Variants in MMP8 observed in about 807,000 individuals in gnomAD.
The protein encoded by MMP8 is matrix metallopeptidase 8, also known as neutrophil collagenase.
MMP8 carries 67 observed loss-of-function variants against 51.2 expected under a neutral mutation model. That is an observed-to-expected ratio of 1.31 (90% CI 1.08 to 1.60). The LOEUF is 1.60. Among genes scored for constraint, MMP8 ranks in the 40% most tolerant of loss-of-function variants. The pLI, the probability that MMP8 is intolerant of heterozygous loss-of-function variation, is 0.00. For synonymous variants in MMP8, 225 were observed against 191.0 expected (o/e 1.18, Z -1.47); for missense variants, 654 against 558.1 (o/e 1.17, Z -1.73).
In MMP8 at chr11:102,712,431, T is replaced by C. The variant is rs1861151735; in HGVS notation, c.*917A>G. 1 of 152,254 alleles carries C rather than the reference T, an allele frequency of 6.6e-6. No homozygotes were observed. The highest frequency in any genetic ancestry group is 6.5e-5 in the Admixed American group (1 of 15,280). The allele number at this position is 152,254 out of a possible 1,614,324, so 9.4% of individuals were successfully genotyped here. On this transcript the variant is annotated 3_prime_UTR_variant, in exon 10 of 10. Coordinates refer to ENST00000236826, the MANE Select transcript of MMP8 (RefSeq NM_002424.3). Reference sequence around the variant, plus strand: ...TGTCTAGGGTTGCTGTAACAAAGTATTGCAAAGTTGGTGGCTTAAAACAAA... The same window carrying C: ...TGTCTAGGGTTGCTGTAACAAAGTACTGCAAAGTTGGTGGCTTAAAACAAA...
intron 4 of MMP8, among the ~76,000 whole-genome samples, chr11:102,720,414 G>A (rs762228904): frequency 6.6e-6 from 1 of 152,090 alleles, no homozygotes; most frequent in African/African-American, 2.4e-5. Flanking sequence ...GAATGGAGAG[G>A]AGCTGAGGGT....
At position 102,713,083 on chromosome 11, in the gene MMP8, A is replaced by C. The variant is rs1175875189; in HGVS notation, c.*265T>G. ...CAGATATGTAAGTATTGAAATAGTA[A>C]ATATTGAGGTGACAAAAAGGCTTAC... On this transcript the variant is annotated 3_prime_UTR_variant, in exon 10 of 10. Coordinates refer to ENST00000236826, the MANE Select transcript of MMP8 (RefSeq NM_002424.3). 1.3e-5 allele frequency: 4 copies of C among 309,850 alleles called. No homozygotes were observed. Among genetic ancestry groups the C allele is most frequent in the Non-Finnish European group, 2.4e-5 (4 of 167,710 alleles). 19.2% of individuals were successfully genotyped at this position (309,850 alleles called of 1,614,324 possible).
Position 102,716,906 on chromosome 11 carries a change from G to T in MMP8, c.785-487C>A, listed in dbSNP as rs35971889. Among the ~76,000 whole-genome samples the T allele has an allele frequency of 8.1e-3, 1,233 of 152,204 alleles. 10 individuals are homozygous for T. Among genetic ancestry groups the T allele is most frequent in the Non-Finnish European group, 0.013 (889 of 67,984 alleles). On this transcript the variant is annotated intron_variant, in intron 5 of 9. Transcript: ENST00000236826. The stretch of plus-strand genomic sequence containing the variant: ...GTGTTTTCTCACTGTGGAATGAAAG[G>T]CTATAATAATAGTTAAGATAAAAAC...
chr11:102,718,237 C>A (rs908491670), intron 5 of MMP8, among the ~76,000 whole-genome samples, 177 bp downstream of exon 5: 1 of 152,094 alleles, frequency 6.6e-6, no homozygotes, highest in Non-Finnish European at 1.5e-5. Flanking sequence ...TCTTTTAGGG[C>A]AGCAATAGAG....
Position 102,718,569 on chromosome 11 carries a change from T to A in MMP8, c.629A>T (p.Asn210Ile). The change falls in exon 5 of 10, where the codon AAC (asparagine) becomes ATC (isoleucine). Residue 210 changes from asparagine to isoleucine, a missense_variant. Asn to Ile is a moderately radical substitution (Grantham distance 149). Transcript: ENST00000236826. ...TTCATGAGCAGCAACAAGAAACAAG[T>A]TGTAATCTGAAATGCAAACACGGGT... ...ETWTNTSANY[N>I]LFLVAAHEFG... 6.2e-7 allele frequency: 1 copy of A among 1,613,790 alleles called. No homozygotes were observed. The highest frequency in any genetic ancestry group is 8.5e-7 in the Non-Finnish European group (1 of 1,179,832).
chr11:102,721,326 G>A (rs1274094091), intron 4 of MMP8, 75 bp downstream of exon 4: 2 of 1,540,156 alleles, frequency 1.3e-6, no homozygotes, highest in Non-Finnish European at 1.8e-6. Context: ...TATTGTGTGT[G>A]TGTGTGTGTG....
intron 4 of MMP8, 53 bp downstream of exon 4, chr11:102,721,348 C>G: frequency 1.9e-6 from 3 of 1,578,156 alleles, no homozygotes; most frequent in South Asian, 1.1e-5. Flanking sequence ...GTATTCTAAT[C>G]TGTAAAAGGT....
intron 1 of MMP8, 26 bp downstream of exon 1, chr11:102,724,728 C>T (rs1258890881): frequency 6.5e-7 from 1 of 1,547,046 alleles, no homozygotes; most frequent in South Asian, 1.2e-5. Context: ...GCAAATCAAA[C>T]ATCACCTAAC....
chr11:102,721,292 G>A, intron 4 of MMP8, 109 bp downstream of exon 4: 3 of 1,449,456 alleles, frequency 2.1e-6, no homozygotes, highest in Non-Finnish European at 1.8e-6. Context: ...CACTTTTTGT[G>A]AGTTTGAAAT....
intron 7 of MMP8, 89 bp from the exon 8 acceptor site, chr11:102,714,798 A>ATATATATATATATATG: frequency 5.5e-6 from 1 of 181,320 alleles, no homozygotes; most frequent in Non-Finnish European, 9.8e-6. Context: ...ATATATATAT[A>ATATATATATATATATG]TATATATACC....
At position 102,713,807 on chromosome 11, in the gene MMP8, G is replaced by T; in HGVS notation, c.1241C>A (p.Ser414Ter). ...ACTCTCTATTCCTGGAAAGGCACCTGATATGCTTTTGGGATAACCTGGCTC... is the reference window on the plus strand; with the variant it reads ...ACTCTCTATTCCTGGAAAGGCACCTTATATGCTTTTGGGATAACCTGGCTC... ...FMEPGYPKSI[S>*]GAFPGIESKV... The change falls in exon 9 of 10, where the codon TCA (serine) becomes TAA (stop). Residue 414 changes from serine (S) to a stop codon, truncating the protein, a stop_gained. Transcript: ENST00000236826. LOFTEE classifies it high-confidence loss of function. 1 of 1,612,422 alleles carries T rather than the reference G, an allele frequency of 6.2e-7. No individual in the cohort carries two copies. The highest frequency in any genetic ancestry group is 8.5e-7 in the Non-Finnish European group (1 of 1,179,296).
rs569335822 is a variant in MMP8, at chr11:102,714,664, T to G, written c.1082A>C (p.Tyr361Ser). ...GCCATAGTTTGATATATCCTTGGGA[T>G]AACCTTGCAGAATATCATAGCCACT... ...ALSGYDILQG[Y>S]PKDISNYGFP... is the part of the protein sequence containing the mutation. Residue 361 changes from tyrosine (Y) to serine (S), a missense_variant, in exon 8 of 10, where the codon TAT becomes TCT. Physicochemically the swap from Tyr to Ser is moderately radical, Grantham distance 144. Coordinates refer to ENST00000236826, the MANE Select transcript of MMP8 (RefSeq NM_002424.3). 2 of 1,551,902 alleles carry G rather than the reference T, an allele frequency of 1.3e-6. No homozygotes were observed. The highest frequency in any genetic ancestry group is 2.8e-5 in the African/African-American group (2 of 71,280).
chr11:102,717,917 G>A (rs1219097898), intron 5 of MMP8, among the ~76,000 whole-genome samples: 1 of 152,202 alleles, frequency 6.6e-6, no homozygotes, highest in African/African-American at 2.4e-5. Flanking sequence ...GACCAGCCTG[G>A]TCATTGTGGT....
At chr11:102,722,380 C>T (rs1355620782) in intron 2 of MMP8, 49 bp downstream of exon 2, 3 of 1,588,130 alleles carry the variant, frequency 1.9e-6, no homozygotes, top group Non-Finnish European at 2.6e-6. Context: ...TATAAGAGCC[C>T]AGTCCATACT....
At chr11:102,721,297 T>G in intron 4 of MMP8, 104 bp downstream of exon 4, 1 of 1,468,246 alleles carries the variant, frequency 6.8e-7, no homozygotes, top group Non-Finnish European at 9.1e-7. Flanking sequence ...TTTGTGAGTT[T>G]GAAATATTAT....
At chr11:102,722,319 AG>A in intron 2 of MMP8, 109 bp downstream of exon 2, 1 of 1,161,364 alleles carries the variant, frequency 8.6e-7, no homozygotes, top group Admixed American at 2.6e-5. Context: ...CTTCAAAGGC[AG>A]GGATATTTAT....
chr11:102,715,249 C>T, intron 7 of MMP8, 55 bp downstream of exon 7: 1 of 1,559,742 alleles, frequency 6.4e-7, no homozygotes, highest in Non-Finnish European at 8.6e-7. Context: ...ACAAAGAAGT[C>T]CTGCCCCCTC....
Position 102,721,479 on chromosome 11 carries a change from G to A in MMP8, c.544C>T (p.His182Tyr). 6.2e-7 allele frequency: 1 copy of A among 1,613,872 alleles called. No homozygotes were observed. The highest frequency in any genetic ancestry group is 1.1e-5 in the South Asian group (1 of 91,066). ...PFDGPNGILA[H>Y]AFQPGQGIGG... ...ATACCTTGGCCTGGCTGAAAGGCATGAGCAAGGATTCCATTGGGTCCATCA... is the reference window on the plus strand; with the variant it reads ...ATACCTTGGCCTGGCTGAAAGGCATAAGCAAGGATTCCATTGGGTCCATCA... Residue 182 changes from histidine to tyrosine, a missense_variant, in exon 4 of 10, where the codon CAT (histidine) becomes TAT (tyrosine). Coordinates refer to ENST00000236826, the MANE Select transcript of MMP8 (RefSeq NM_002424.3).
In MMP8 at chr11:102,716,423, GAA is replaced by G. The variant is rs751481811; in HGVS notation, c.785-6_785-5del. 17,483 of 386,728 alleles carry G rather than the reference GAA, an allele frequency of 0.045. No homozygotes were observed. Among genetic ancestry groups the G allele is most frequent in the Middle Eastern group, 0.065 (79 of 1,212 alleles). 24.0% of individuals were successfully genotyped at this position (386,728 alleles called of 1,614,324 possible). A position where few individuals can be genotyped will look rare whatever the true frequency, so the allele number is the denominator to read the frequency against. On this transcript the variant is annotated splice_region_variant and splice_polypyrimidine_tract_variant and intron_variant, in intron 5 of 9. Coordinates refer to ENST00000236826, the MANE Select transcript of MMP8 (RefSeq NM_002424.3). Reference sequence around the variant, plus strand: ...TGGATAGGGTTGCTTGAAAGTCCTGGAAAAAAAAAAAAAAAAAAAAAAAAGGT... The same window carrying G: ...TGGATAGGGTTGCTTGAAAGTCCTGGAAAAAAAAAAAAAAAAAAAAAAGGT...
Sources: allele counts gnomAD v4.1 joint callset (sites outside exome capture counted in the v4.1 genomes callset), GRCh38; gene constraint gnomAD v4.1.1; transcripts MANE v1.5; gene names NCBI Gene and HGNC (gene_info 2026-07-23, HGNC 2026-07-21).